Variants in RFC3 observed in about 807,000 individuals in gnomAD.
RFC3 encodes the protein replication factor C subunit 3.
In RFC3, 41 loss-of-function variants were observed where a neutral mutation model predicts 45.1. The ratio of observed to expected loss-of-function variants is 0.91; its 90% CI spans 0.71 to 1.18. The LOEUF (loss-of-function observed/expected upper bound fraction) is 1.18, where lower values mean the gene tolerates loss of function less well. Among genes scored for constraint, RFC3 ranks in the 50% most tolerant of loss-of-function variants. The pLI is 0.00. For missense variants in RFC3, 423 were observed against 428.1 expected (o/e 0.99, Z 0.10); for synonymous variants, 149 against 144.0 (o/e 1.03, Z -0.25).
At chr13:33,952,376 C>T (rs2082996147) in intron 8 of RFC3, among the ~76,000 whole-genome samples, 1 of 152,192 alleles carries the variant, frequency 6.6e-6, no homozygotes, top group African/African-American at 2.4e-5. Flanking sequence ...AATACCAGAA[C>T]CATATAATGT....
intron 8 of RFC3, among the ~76,000 whole-genome samples, chr13:33,901,459 TC>T (rs747658126): frequency 3.3e-5 from 5 of 152,078 alleles, no homozygotes; most frequent in Admixed American, 6.6e-5. Flanking sequence ...TATTACATGT[TC>T]TCACTCATAT....
chr13:33,908,483 A>G (rs773354743), intron 8 of RFC3, among the ~76,000 whole-genome samples: 10 of 152,016 alleles, frequency 6.6e-5, no homozygotes, highest in Non-Finnish European at 1.5e-4. Flanking sequence ...CAGCTCCACA[A>G]AATTGGCTGG....
At chr13:33,897,280 G>A (rs2082606326) in intron 8 of RFC3, among the ~76,000 whole-genome samples, 1 of 146,638 alleles carries the variant, frequency 6.8e-6, no homozygotes, top group Non-Finnish European at 1.5e-5. Context: ...TTACATTGTA[G>A]ATTTTTTTTT....
chr13:33,829,913 T>G lies in RFC3; in HGVS notation c.469T>G (p.Ser157Ala). The G allele has an allele frequency of 6.2e-7, 1 of 1,614,072 alleles. No homozygotes were observed. The highest frequency in any genetic ancestry group is 1.1e-5 in the South Asian group (1 of 91,078). Residue 157 changes from serine (S) to alanine (A), a missense_variant, in exon 5 of 9, where the codon TCT becomes GCT. By Grantham distance (99) the Ser-to-Ala change is moderately conservative (BLOSUM62 1). Coordinates refer to ENST00000380071, the MANE Select transcript of RFC3 (RefSeq NM_002915.4). The part of the protein sequence containing the change: ...ALRRTMEKYM[S>A]TCRLILCCNS... Reference sequence around the variant, plus strand: ...GCGAAGAACCATGGAAAAATATATGTCTACCTGCAGATTGATCTTGTGCTG... The same window carrying G: ...GCGAAGAACCATGGAAAAATATATGGCTACCTGCAGATTGATCTTGTGCTG...
intron 8 of RFC3, among the ~76,000 whole-genome samples, chr13:33,948,654 A>T (rs950496820): frequency 6.6e-6 from 1 of 152,202 alleles, no homozygotes; most frequent in Admixed American, 6.5e-5. Context: ...GCAAAGCCAC[A>T]AGGGTGGAGC....
At chr13:33,966,461 T>C (rs777149981) in exon 9 of RFC3, 57 of 319,870 alleles carry the variant, frequency 1.8e-4, no homozygotes, top group Admixed American at 3.4e-4. Flanking sequence ...TATCCCTACA[T>C]CTAACTCATC....
intron 8 of RFC3, among the ~76,000 whole-genome samples, chr13:33,901,690 A>AT (rs2082642956): frequency 6.6e-6 from 1 of 152,144 alleles, no homozygotes; most frequent in African/African-American, 2.4e-5. Flanking sequence ...TAAGGGAATA[A>AT]TTCAAATGTT....
At chr13:33,957,745 C>CA (rs753286698) in intron 8 of RFC3, among the ~76,000 whole-genome samples, 31 of 152,140 alleles carry the variant, frequency 2.0e-4, no homozygotes, top group Non-Finnish European at 4.3e-4. Flanking sequence ...CCAATGTAGT[C>CA]AAACGTGAAG....
intron 8 of RFC3, among the ~76,000 whole-genome samples, chr13:33,873,655 T>C (rs4943160): frequency 0.99 from 150,861 of 152,280 alleles, 74,742 homozygotes; most frequent in Middle Eastern, 1. Flanking sequence ...TTGGGTCCAC[T>C]GTTTACTCAT....
chr13:33,842,040 G>T (rs1185838212), downstream of RFC3, among the ~76,000 whole-genome samples: 1 of 152,132 alleles, frequency 6.6e-6, no homozygotes, highest in Non-Finnish European at 1.5e-5. Flanking sequence ...CCAGCACTTT[G>T]GGAGGCTGAG....
chr13:33,885,986 C>G (rs2082518975), intron 8 of RFC3, among the ~76,000 whole-genome samples: 1 of 151,874 alleles, frequency 6.6e-6, no homozygotes, highest in South Asian at 2.1e-4. Flanking sequence ...GGTAGATTTT[C>G]TGGGTGACTG....
rs116137043 is a variant in RFC3 at position 33,828,016 on chromosome 13, G to C, written c.392-1820G>C. On this transcript the variant is annotated intron_variant, in intron 4 of 8. Coordinates refer to ENST00000380071, the MANE Select transcript of RFC3 (RefSeq NM_002915.4). ...CAAAGGAAGAAAAAAAAAAAATTAG[G>C]CTCATGCCTGTAGTCTTAGCTACTT... 9.0e-3 allele frequency among the ~76,000 whole-genome samples: 1,373 copies of C among 152,120 alleles called. 14 individuals are homozygous for C. Among genetic ancestry groups the C allele is most frequent in the African/African-American group, 0.032 (1,323 of 41,514 alleles).
At chr13:33,956,571 C>T (rs9598385) in intron 8 of RFC3, among the ~76,000 whole-genome samples, 2,326 of 152,212 alleles carry the variant, frequency 0.015, 66 homozygotes, top group African/African-American at 0.054. Flanking sequence ...TTTCCATATG[C>T]CCAAACCTTA....
At chr13:33,930,420 A>T (rs1414877215) in intron 8 of RFC3, among the ~76,000 whole-genome samples, 1 of 152,132 alleles carries the variant, frequency 6.6e-6, no homozygotes, top group Non-Finnish European at 1.5e-5. Flanking sequence ...GGCAAGGAGC[A>T]TCTAGCACAG....
intron 7 of RFC3, 129 bp downstream of exon 7, chr13:33,831,483 G>C (rs2082103622): frequency 5.8e-6 from 3 of 518,090 alleles, no homozygotes; most frequent in Non-Finnish European, 9.7e-6. Flanking sequence ...ACTTTTTAAG[G>C]AAAATGTAGC....
chr13:33,818,582 A>G (rs1196369559), intron 1 of RFC3, among the ~76,000 whole-genome samples: 2 of 152,246 alleles, frequency 1.3e-5, no homozygotes, highest in Admixed American at 6.5e-5. Flanking sequence ...TGTGCACGGC[A>G]TGTTCTAAGA....
At chr13:33,888,253 A>G (rs763516255) in intron 8 of RFC3, among the ~76,000 whole-genome samples, 228 of 152,200 alleles carry the variant, frequency 1.5e-3, no homozygotes, top group Non-Finnish European at 2.2e-3. Context: ...AGGGGGCACC[A>G]TTACATACAA....
intron 8 of RFC3, among the ~76,000 whole-genome samples, chr13:33,902,183 G>T (rs746088296): frequency 6.6e-6 from 1 of 152,052 alleles, no homozygotes; most frequent in Non-Finnish European, 1.5e-5. Context: ...ATGGAATATG[G>T]TGAGATTCAT....
At chr13:33,857,161 G>A (rs559573382) in intron 8 of RFC3, among the ~76,000 whole-genome samples, 148 of 152,270 alleles carry the variant, frequency 9.7e-4, no homozygotes, top group African/African-American at 3.5e-3. Context: ...ATAATAGCAA[G>A]GAAATTGTCT....
Sources: allele counts gnomAD v4.1 joint callset (sites outside exome capture counted in the v4.1 genomes callset), GRCh38; gene constraint gnomAD v4.1.1; transcripts MANE v1.5; gene names NCBI Gene and HGNC (gene_info 2026-07-23, HGNC 2026-07-21).